MCM9: variants seen among roughly 807,000 people sequenced by gnomAD.
MCM9 encodes DNA helicase MCM9.
MCM9 carries 55 observed loss-of-function variants against 72.8 expected under a neutral mutation model. The ratio of observed to expected loss-of-function variants is 0.76; its 90% confidence interval spans 0.61 to 0.95. The LOEUF (loss-of-function observed/expected upper bound fraction) is 0.95, where lower values mean the gene tolerates loss of function less well. Among genes scored for constraint, MCM9 ranks in the 40% least tolerant of loss-of-function variants. The probability of loss-of-function intolerance (pLI) is 0.00; values close to 1 mark genes in which losing one functional copy is unlikely to be tolerated. For missense variants in MCM9, 1,279 were observed against 1,377.0 expected (o/e 0.93, Z 1.13); for synonymous variants, 480 against 503.4 (o/e 0.95, Z 0.62).
At chr6:118,898,036 A>G (rs567710970) in intron 8 of MCM9, among the ~76,000 whole-genome samples, 1 of 152,262 alleles carries the variant, frequency 6.6e-6, no homozygotes, top group Admixed American at 6.5e-5. Context: ...TCCACTGCTA[A>G]TTTCAGAGCT....
chr6:118,931,649 AAT>A lies in MCM9; in HGVS notation c.73_74del (p.Ile25SerfsTer9), dbSNP rs1161313885. 6.2e-7 allele frequency: 1 copy of A among 1,614,158 alleles called. No homozygotes were observed. ...CATCCCTTTCCTTCAAGATTAGAAGAATATCATTCTTATGGTATTCCGAAACA... is the reference window on the plus strand; with the variant it reads ...CATCCCTTTCCTTCAAGATTAGAAGAATCATTCTTATGGTATTCCGAAACA... Reference protein sequence around the residue: ...SYVSEYHKNDILLILKERDED... With the variant: ...SYVSEYHKNDXLLILKERDED... On this transcript the variant is annotated frameshift_variant, in exon 3 of 14. Coordinates refer to ENST00000619706, the MANE Select transcript of MCM9 (RefSeq NM_017696.3). LOFTEE classifies it high-confidence loss of function.
chr6:118,844,985 T>C (rs1775759486), intron 9 of MCM9, among the ~76,000 whole-genome samples: 1 of 151,822 alleles, frequency 6.6e-6, no homozygotes, highest in Non-Finnish European at 1.5e-5. Context: ...CAGGAACAGC[T>C]GCCCACAGCA....
At chr6:118,930,768 T>G (rs1055204787) in intron 3 of MCM9, among the ~76,000 whole-genome samples, 2 of 152,160 alleles carry the variant, frequency 1.3e-5, no homozygotes, top group African/African-American at 4.8e-5. Context: ...AAATAAAAAT[T>G]GTTACACTAT....
At chr6:118,819,143 C>T (rs1173568975) in intron 13 of MCM9, among the ~76,000 whole-genome samples, 1 of 152,144 alleles carries the variant, frequency 6.6e-6, no homozygotes, top group East Asian at 1.9e-4. Flanking sequence ...CTGGCCAGAA[C>T]TTCCAATACT....
intron 9 of MCM9, among the ~76,000 whole-genome samples, chr6:118,842,677 G>A (rs1483227697): frequency 1.3e-5 from 2 of 151,992 alleles, no homozygotes; most frequent in South Asian, 2.1e-4. Context: ...GCATCACCAC[G>A]CTTTGCTATT....
rs1218803010 is a variant in MCM9, at chr6:118,870,432, T to C, written c.1151-13887A>G. On this transcript the variant is annotated intron_variant, in intron 8 of 13. Transcript: ENST00000619706. ...AGAAGAAATTAATGGGTTTTTTTTTTTATCTTGAGACAAAATGAAAACACA... is the reference window on the plus strand; with the variant it reads ...AGAAGAAATTAATGGGTTTTTTTTTCTATCTTGAGACAAAATGAAAACACA... Among the ~76,000 whole-genome samples, 3 of 150,750 alleles carry C rather than the reference T, an allele frequency of 2.0e-5. No homozygotes were observed. In the East Asian group the frequency reaches 5.9e-4, roughly 30 times the overall value.
At chr6:118,873,576 A>G (rs1162357089) in intron 8 of MCM9, among the ~76,000 whole-genome samples, 1 of 152,206 alleles carries the variant, frequency 6.6e-6, no homozygotes, top group Non-Finnish European at 1.5e-5. Flanking sequence ...CCAAAACTTC[A>G]ACCAGGAGAA....
chr6:118,860,302 A>G (rs985322390), intron 8 of MCM9, among the ~76,000 whole-genome samples: 1 of 152,248 alleles, frequency 6.6e-6, no homozygotes. Context: ...ACAATAAAAA[A>G]GAAATACTAG....
At chr6:118,929,258 A>C (rs2114437847) in intron 3 of MCM9, among the ~76,000 whole-genome samples, 1 of 152,346 alleles carries the variant, frequency 6.6e-6, no homozygotes, top group Admixed American at 6.5e-5. Context: ...GGCATGCATC[A>C]CACATAAAAG....
intron 8 of MCM9, among the ~76,000 whole-genome samples, chr6:118,882,647 T>C (rs1339123250): frequency 6.6e-6 from 1 of 152,082 alleles, no homozygotes; most frequent in African/African-American, 2.4e-5. Flanking sequence ...ACAGCACAGA[T>C]AGCTTAACAG....
chr6:118,827,326 A>G (rs1774229044), intron 11 of MCM9, among the ~76,000 whole-genome samples: 1 of 152,148 alleles, frequency 6.6e-6, no homozygotes, highest in South Asian at 2.1e-4. Flanking sequence ...AAGAAAGTCC[A>G]TTTGTTTTAC....
At chr6:118,901,900 AAATAATCC>A (rs1779818423) in intron 8 of MCM9, among the ~76,000 whole-genome samples, 1 of 152,200 alleles carries the variant, frequency 6.6e-6, no homozygotes, top group African/African-American at 2.4e-5. Flanking sequence ...ACCATTGGTC[AAATAATCC>A]CATCAGAAAC....
intron 9 of MCM9, among the ~76,000 whole-genome samples, chr6:118,845,286 T>C (rs1315866192): frequency 1.3e-5 from 2 of 152,018 alleles, no homozygotes; most frequent in East Asian, 3.9e-4. Context: ...GATGAGATAA[T>C]ACAGCTGCTA....
chr6:118,923,852 T>C lies in MCM9; in HGVS notation c.580A>G (p.Thr194Ala), dbSNP rs749879110. The C allele has an allele frequency of 4.3e-6, 7 of 1,614,082 alleles. No individual in the cohort carries two copies. Among genetic ancestry groups the C allele is most frequent in the Middle Eastern group, 1.6e-4 (1 of 6,084 alleles). Residue 194 changes from threonine (T) to alanine (A), a missense_variant, in exon 4 of 14, where the codon ACC becomes GCC. Thr to Ala is a moderately conservative substitution (Grantham distance 58, BLOSUM62 0). Coordinates refer to ENST00000619706, the MANE Select transcript of MCM9 (RefSeq NM_017696.3). ...ATTTCCTGGTAATCTCTACACCTGG[T>C]TGGAGACGAAGACAAGCCTGAGAGG... Reference protein sequence around the residue: ...TCLSGLSSSPTRCRDYQEIKI... With the variant: ...TCLSGLSSSPARCRDYQEIKI...
chr6:118,935,006 C>CG lies in MCM9; in HGVS notation c.-266dup, dbSNP rs1179868555. On this transcript the variant is annotated 5_prime_UTR_variant, in exon 1 of 14. Transcript: ENST00000619706. ...AAGAAGGCTGGTGAGGCGGAGTGCGCGCGTGCACGTGGCCGCTCGAGGCGC... is the reference window on the plus strand; with the variant it reads ...AAGAAGGCTGGTGAGGCGGAGTGCGCGGCGTGCACGTGGCCGCTCGAGGCGC... 1 of 152,142 alleles carries CG rather than the reference C, an allele frequency of 6.6e-6. No homozygotes were observed. Among genetic ancestry groups the CG allele is most frequent in the Non-Finnish European group, 1.5e-5 (1 of 68,056 alleles). 9.4% of individuals were successfully genotyped at this position (152,142 alleles called of 1,614,324 possible).
intron 9 of MCM9, among the ~76,000 whole-genome samples, chr6:118,851,827 C>T (rs1776244496): frequency 6.6e-6 from 1 of 152,110 alleles, no homozygotes; most frequent in African/African-American, 2.4e-5. Flanking sequence ...CACAGTAATA[C>T]CACAATAACA....
At chr6:118,828,767 G>A (rs935041836) in intron 10 of MCM9, among the ~76,000 whole-genome samples, 13 of 152,124 alleles carry the variant, frequency 8.5e-5, no homozygotes, top group African/African-American at 1.2e-4. Flanking sequence ...AGAGGTGAGC[G>A]TTAATTCTGT....
chr6:118,846,622 C>T (rs141729653), intron 9 of MCM9, among the ~76,000 whole-genome samples: 1,594 of 151,736 alleles, frequency 0.011, 69 homozygotes, highest in African/African-American at 0.037. Context: ...GGGCAAGAGT[C>T]GCCTGGAGTC....
Position 118,814,934 on chromosome 6 carries a change from C to T in MCM9, c.3322G>A (p.Gly1108Arg). 1 of 1,548,974 alleles carries T rather than the reference C, an allele frequency of 6.5e-7. No individual in the cohort carries two copies. Among genetic ancestry groups the T allele is most frequent in the South Asian group, 1.2e-5 (1 of 83,906 alleles). The change falls in exon 14 of 14, where the codon GGG (glycine) becomes AGG (arginine). Residue 1108 changes from glycine to arginine, a missense_variant. Transcript: ENST00000619706. ...VSKRKSFQLR[G>R]STEKLIVSKE... Reference sequence around the variant, plus strand: ...GAAACAATCAGTTTCTCGGTGGACCCACGGAGCTGAAAAGATTTCCTTTTA... The same window carrying T: ...GAAACAATCAGTTTCTCGGTGGACCTACGGAGCTGAAAAGATTTCCTTTTA...
Sources: gnomAD v4.1 joint callset for allele counts (sites outside exome capture counted in the v4.1 genomes callset) on GRCh38, gnomAD v4.1.1 for gene constraint, MANE v1.5 for transcripts, NCBI Gene and HGNC (gene_info 2026-07-23, HGNC 2026-07-21) for gene names.